MDGA2: variants seen among roughly 807,000 people sequenced by gnomAD.
The protein encoded by MDGA2 is MAM domain containing glycosylphosphatidylinositol anchor 2.
A neutral mutation model predicts 117.8 loss-of-function variants in MDGA2; 40 were observed. The ratio of observed to expected loss-of-function variants is 0.34; its 90% CI spans 0.26 to 0.44. The LOEUF (loss-of-function observed/expected upper bound fraction) is 0.44, where lower values mean the gene tolerates loss of function less well. Ranked by LOEUF, MDGA2 falls within the 20% of genes least tolerant of loss-of-function variation. The pLI is 1.00. For synonymous variants in MDGA2, 452 were observed against 439.0 expected (o/e 1.03, Z -0.37); for missense variants, 1,123 against 1,250.6 (o/e 0.90, Z 1.54).
At chr14:47,174,661 A>G (rs879796698) in intron 3 of MDGA2, among the ~76,000 whole-genome samples, 33 of 152,326 alleles carry the variant, frequency 2.2e-4, no homozygotes, top group Admixed American at 3.9e-4. Context: ...GAGTAGATGG[A>G]AATTTATAGC....
chr14:47,282,983 G>T lies in MDGA2; in HGVS notation c.420+18428C>A, dbSNP rs141615645. Among the ~76,000 whole-genome samples the T allele has an allele frequency of 5.2e-3, 787 of 152,202 alleles. 6 individuals carry two copies. The highest frequency in any genetic ancestry group is 0.018 in the African/African-American group (761 of 41,544). On this transcript the variant is annotated intron_variant, in intron 2 of 16. Transcript: ENST00000399232. ...AATAAATAACATACATTTTTTAAAT[G>T]GAAAGGCAGTGAAAATGTCTATTGT... is the stretch of plus-strand genomic sequence containing the variant.
rs183613428 is a variant in MDGA2, at chr14:47,368,168, G to A, written c.281-66618C>T. On this transcript the variant is annotated intron_variant, in intron 1 of 16. Transcript: ENST00000399232. ...GTGGTGGCTCATGCCTGTAATCCCA[G>A]CTACTCAGGAGGCTGAGGCAGGAGA... 4.0e-3 allele frequency among the ~76,000 whole-genome samples: 612 copies of A among 152,196 alleles called. 2 individuals are homozygous for A. The highest frequency in any genetic ancestry group is 6.5e-3 in the Non-Finnish European group (442 of 68,018).
chr14:47,001,865 G>C (rs1887542273), intron 8 of MDGA2, among the ~76,000 whole-genome samples: 1 of 152,036 alleles, frequency 6.6e-6, no homozygotes, highest in Admixed American at 6.6e-5. Flanking sequence ...ATACATTCTA[G>C]ACATTTTCAC....
At chr14:47,583,894 T>A (rs1896273636) in intron 1 of MDGA2, among the ~76,000 whole-genome samples, 1 of 151,810 alleles carries the variant, frequency 6.6e-6, no homozygotes. Context: ...CCTCAACACA[T>A]TTTAGTTATG....
chr14:46,901,423 G>A (rs891088941), intron 10 of MDGA2, among the ~76,000 whole-genome samples: 1 of 152,142 alleles, frequency 6.6e-6, no homozygotes, highest in Admixed American at 6.5e-5. Context: ...ATGGAAAATC[G>A]GACTGGCATG....
At chr14:47,631,531 C>T (rs574762025) in intron 1 of MDGA2, among the ~76,000 whole-genome samples, 14 of 152,276 alleles carry the variant, frequency 9.2e-5, no homozygotes, top group East Asian at 1.9e-4. Context: ...CCAAATTATC[C>T]GTAACGGATG....
chr14:47,529,451 T>TC (rs897433582), intron 1 of MDGA2, among the ~76,000 whole-genome samples: 44 of 151,670 alleles, frequency 2.9e-4, no homozygotes, highest in Admixed American at 2.0e-3. Flanking sequence ...AAATGAAGTA[T>TC]CCCCCCCCTC....
chr14:47,268,279 T>C (rs1021714128), intron 2 of MDGA2, among the ~76,000 whole-genome samples: 1 of 152,090 alleles, frequency 6.6e-6, no homozygotes, highest in Non-Finnish European at 1.5e-5. Context: ...TTCACCATGT[T>C]GGCCAGGATG....
At chr14:46,985,805 A>G (rs901861873) in intron 8 of MDGA2, among the ~76,000 whole-genome samples, 17 of 152,090 alleles carry the variant, frequency 1.1e-4, no homozygotes, top group African/African-American at 3.6e-4. Flanking sequence ...ATTTCAATGA[A>G]CAGGTTAATC....
intron 1 of MDGA2, among the ~76,000 whole-genome samples, chr14:47,510,539 A>T (rs1469335463): frequency 6.6e-6 from 1 of 152,112 alleles, no homozygotes; most frequent in Admixed American, 6.5e-5. Context: ...TGATTGTTTA[A>T]CTCAATGTCT....
At chr14:46,890,686 C>A (rs1421440688) in intron 10 of MDGA2, among the ~76,000 whole-genome samples, 2 of 152,008 alleles carry the variant, frequency 1.3e-5, no homozygotes, top group East Asian at 1.9e-4. Context: ...CAAGCAGAGT[C>A]TCTGGTAAAG....
At chr14:47,399,487 TAGA>T (rs1484888373) in intron 1 of MDGA2, among the ~76,000 whole-genome samples, 1 of 152,322 alleles carries the variant, frequency 6.6e-6, no homozygotes, top group East Asian at 1.9e-4. Flanking sequence ...TTCATTATCT[TAGA>T]AGAAGATTTA....
At chr14:47,540,061 G>A (rs527865809) in intron 1 of MDGA2, among the ~76,000 whole-genome samples, 6 of 152,122 alleles carry the variant, frequency 3.9e-5, no homozygotes, top group African/African-American at 1.4e-4. Context: ...CGCCCAGGCT[G>A]GAGTGCGGTG....
chr14:47,566,155 C>T (rs1293168182), intron 1 of MDGA2, among the ~76,000 whole-genome samples: 5 of 152,162 alleles, frequency 3.3e-5, no homozygotes, highest in South Asian at 4.1e-4. Flanking sequence ...TGAAGTAACA[C>T]GGGCAGCTGT....
At chr14:47,402,259 A>G (rs1566770387) in intron 1 of MDGA2, among the ~76,000 whole-genome samples, 1 of 151,290 alleles carries the variant, frequency 6.6e-6, no homozygotes. Context: ...TGTTACTACT[A>G]TGTTTCACAA....
At chr14:46,867,188 T>G (rs1881803714) in intron 14 of MDGA2, among the ~76,000 whole-genome samples, 2 of 152,268 alleles carry the variant, frequency 1.3e-5, no homozygotes, top group South Asian at 2.1e-4. Flanking sequence ...GTGGCACACA[T>G]ACACCATGGA....
In MDGA2 at chr14:47,342,256, T is replaced by TTATA. The variant is rs10536485; in HGVS notation, c.281-40710_281-40707dup. On this transcript the variant is annotated intron_variant, in intron 1 of 16. Coordinates refer to ENST00000399232, the MANE Select transcript of MDGA2 (RefSeq NM_001113498.3). ...AAAATTTATGTCCAGCACAAAATGT[T>TTATA]TATATATATATATATATATATATAT... is the stretch of plus-strand genomic sequence containing the variant. Among the ~76,000 whole-genome samples, 871 of 134,030 alleles carry TTATA rather than the reference T, an allele frequency of 6.5e-3. 10 individuals carry two copies. Among genetic ancestry groups the TTATA allele is most frequent in the African/African-American group, 0.021 (815 of 38,064 alleles). 87.9% of individuals were successfully genotyped at this position (134,030 alleles called of 152,430 possible).
chr14:47,145,880 T>C (rs1467399684), intron 3 of MDGA2, among the ~76,000 whole-genome samples: 1 of 152,162 alleles, frequency 6.6e-6, no homozygotes, highest in Non-Finnish European at 1.5e-5. Flanking sequence ...ATTGATTCTA[T>C]GCTGTTTTCT....
Position 46,882,107 on chromosome 14 carries a change from G to A in MDGA2, c.2353C>T (p.Arg785Ter), listed in dbSNP as rs1566506163. The A allele has an allele frequency of 6.2e-7, 1 of 1,611,478 alleles. No homozygotes were observed. The highest frequency in any genetic ancestry group is 8.5e-7 in the Non-Finnish European group (1 of 1,178,496). ...CCAAATTTGGTGAGAGGAGTCAGTC[G>A]GACTTCATAAGCTTCTGGTTTAATT... Reference protein sequence around the residue: ...ELIKPEAYEVRLTPLTKFGEG... With the variant: ...ELIKPEAYEV The change falls in exon 11 of 17, where the codon CGA becomes TGA. Residue 785 changes from arginine to a stop codon, truncating the protein, a stop_gained. Transcript: ENST00000399232. LOFTEE classifies it high-confidence loss of function.
Sources: allele counts gnomAD v4.1 joint callset (sites outside exome capture counted in the v4.1 genomes callset), GRCh38; gene constraint gnomAD v4.1.1; transcripts MANE v1.5; gene names NCBI Gene and HGNC (gene_info 2026-07-23, HGNC 2026-07-21).